The following IGSF21 variants were observed in gnomAD, a reference collection of about 807,000 sequenced individuals.
IGSF21 encodes the protein immunoglobin superfamily member 21, also known as immunoglobulin superfamily member 21.
A neutral mutation model predicts 46.8 loss-of-function variants in IGSF21; 28 were observed. That is an observed-to-expected ratio of 0.60 (90% confidence interval 0.44 to 0.82). The LOEUF is 0.82. Among genes scored for constraint, IGSF21 ranks in the 40% least tolerant of loss-of-function variants. IGSF21 has a pLI of 0.00. For missense variants in IGSF21, 624 were observed against 665.5 expected, an observed-to-expected ratio of 0.94 and a Z score of 0.69; for synonymous variants, 284 against 273.6, an observed-to-expected ratio of 1.04 and a Z score of -0.38.
chr1:18,366,114 G>A (rs1266066373), intron 6 of IGSF21, among the ~76,000 whole-genome samples: 1 of 152,024 alleles, frequency 6.6e-6, no homozygotes, highest in African/African-American at 2.4e-5. Context: ...TTGGGGAAAA[G>A]CAAGGGAGTC....
chr1:18,373,180 G>A (rs549379239), intron 6 of IGSF21, among the ~76,000 whole-genome samples: 74 of 152,298 alleles, frequency 4.9e-4, no homozygotes, highest in African/African-American at 1.7e-3. Flanking sequence ...GAAAACTGAA[G>A]CCCAACAAGT....
intron 1 of IGSF21, among the ~76,000 whole-genome samples, chr1:18,156,528 G>A (rs1005526556): frequency 3.9e-5 from 6 of 152,146 alleles, no homozygotes; most frequent in East Asian, 3.8e-4. Context: ...CACTGTCCCC[G>A]TCCCCAGCCC....
In IGSF21 at chr1:18,153,769, C is replaced by T. The variant is rs115029162; in HGVS notation, c.70+45571C>T. Reference sequence around the variant, plus strand: ...CACGAAGGGACCAGGACTTGAGTTCCGTTGGTCTGAGCCCCAGATGCATGC... The same window carrying T: ...CACGAAGGGACCAGGACTTGAGTTCTGTTGGTCTGAGCCCCAGATGCATGC... On this transcript the variant is annotated intron_variant, in intron 1 of 9. Coordinates refer to ENST00000251296, the MANE Select transcript of IGSF21 (RefSeq NM_032880.5). 5.7e-3 allele frequency among the ~76,000 whole-genome samples: 862 copies of T among 152,160 alleles called. 12 individuals carry two copies. The highest frequency in any genetic ancestry group is 0.02 in the African/African-American group (814 of 41,512).
At chr1:18,355,239 T>C (rs2086003143) in intron 4 of IGSF21, among the ~76,000 whole-genome samples, 1 of 152,200 alleles carries the variant, frequency 6.6e-6, no homozygotes, top group Non-Finnish European at 1.5e-5. Flanking sequence ...GAGATTTATA[T>C]CAGATCAGGT....
intron 3 of IGSF21, among the ~76,000 whole-genome samples, chr1:18,326,356 C>T (rs552425459): frequency 8.1e-4 from 124 of 152,294 alleles, no homozygotes; most frequent in Middle Eastern, 3.4e-3. Context: ...GGGATCTTTC[C>T]AGCAGGAATG....
chr1:18,259,471 G>GA (rs2084920751), intron 2 of IGSF21, among the ~76,000 whole-genome samples: 1 of 152,260 alleles, frequency 6.6e-6, no homozygotes, highest in African/African-American at 2.4e-5. Context: ...GAAGAGGTCT[G>GA]AAAAAGGCCA....
chr1:18,152,207 G>T (rs1392299732), intron 1 of IGSF21, among the ~76,000 whole-genome samples: 1 of 152,210 alleles, frequency 6.6e-6, no homozygotes, highest in Non-Finnish European at 1.5e-5. Context: ...TTCATCCACA[G>T]TGCTCCTGCC....
intron 1 of IGSF21, among the ~76,000 whole-genome samples, chr1:18,159,258 G>T (rs1258475519): frequency 6.6e-6 from 1 of 152,152 alleles, no homozygotes; most frequent in East Asian, 1.9e-4. Context: ...TCCAAGTCAG[G>T]GTGCAGTTTG....
chr1:18,224,655 A>G (rs1024248877), intron 1 of IGSF21, among the ~76,000 whole-genome samples: 1 of 152,130 alleles, frequency 6.6e-6, no homozygotes, highest in African/African-American at 2.4e-5. Context: ...TTTGTTTTTC[A>G]TGCATAAAGG....
At chr1:18,178,796 G>A (rs2086829229) in intron 1 of IGSF21, among the ~76,000 whole-genome samples, 1 of 152,018 alleles carries the variant, frequency 6.6e-6, no homozygotes, top group African/African-American at 2.4e-5. Flanking sequence ...CCAGAGGACG[G>A]GTCTGTGCCT....
intron 2 of IGSF21, among the ~76,000 whole-genome samples, chr1:18,277,659 C>T (rs1378218106): frequency 5.9e-5 from 9 of 152,200 alleles, no homozygotes; most frequent in African/African-American, 2.2e-4. Context: ...GCTTAACAAA[C>T]ATAGCGTCTC....
intron 4 of IGSF21, among the ~76,000 whole-genome samples, chr1:18,338,428 G>A (rs546729586): frequency 2.0e-5 from 3 of 152,080 alleles, no homozygotes; most frequent in Non-Finnish European, 4.4e-5. Context: ...GGACCCTAAG[G>A]GCCACTGCAG....
chr1:18,234,794 C>T (rs1183975781), intron 2 of IGSF21, among the ~76,000 whole-genome samples: 2 of 152,096 alleles, frequency 1.3e-5, no homozygotes, highest in African/African-American at 2.4e-5. Context: ...CAGTTCAAGA[C>T]GAGATTTGGG....
In IGSF21 at chr1:18,314,697, C is replaced by T. The variant is rs561209306; in HGVS notation, c.306-20195C>T. Among the ~76,000 whole-genome samples the T allele has an allele frequency of 5.0e-4, 76 of 152,282 alleles. No homozygotes were observed. The South Asian group carries it at 8.3e-3, about 17-fold the overall frequency. On this transcript the variant is annotated intron_variant, in intron 3 of 9. Coordinates refer to ENST00000251296, the MANE Select transcript of IGSF21 (RefSeq NM_032880.5). ...CAGCCAGGGAGGTCTCGTGCCAAAG[C>T]CTTCGTCTTCATCACTGTGCTACCC... is the stretch of plus-strand genomic sequence containing the variant.
intron 3 of IGSF21, among the ~76,000 whole-genome samples, chr1:18,321,010 G>A (rs1375926762): frequency 6.6e-6 from 1 of 152,240 alleles, no homozygotes; most frequent in Non-Finnish European, 1.5e-5. Context: ...CTGAATTGCA[G>A]TGCTCTGGCA....
chr1:18,296,402 C>G (rs1251023126), intron 3 of IGSF21, among the ~76,000 whole-genome samples: 1 of 151,448 alleles, frequency 6.6e-6, no homozygotes, highest in Non-Finnish European at 1.5e-5. Context: ...GTGGTTCTAG[C>G]TGAGTGTTTT....
chr1:18,209,949 T>C (rs2084372460), intron 1 of IGSF21, among the ~76,000 whole-genome samples: 1 of 152,098 alleles, frequency 6.6e-6, no homozygotes, highest in Admixed American at 6.5e-5. Context: ...AATGATCTTC[T>C]GTTCACCCCA....
At chr1:18,227,331 C>T (rs922186812) in intron 1 of IGSF21, among the ~76,000 whole-genome samples, 19 of 152,034 alleles carry the variant, frequency 1.2e-4, no homozygotes, top group Non-Finnish European at 2.8e-4. Context: ...GCACTTAGAA[C>T]ACCATGTCCC....
intron 1 of IGSF21, among the ~76,000 whole-genome samples, chr1:18,130,432 C>T (rs1015943584): frequency 5.3e-5 from 8 of 152,188 alleles, no homozygotes; most frequent in African/African-American, 1.2e-4. Context: ...CTCTGGGCCT[C>T]GTTTTCCTTA....
Sources: gnomAD v4.1 joint callset for allele counts (sites outside exome capture counted in the v4.1 genomes callset) on GRCh38, gnomAD v4.1.1 for gene constraint, MANE v1.5 for transcripts, NCBI Gene and HGNC (gene_info 2026-07-23, HGNC 2026-07-21) for gene names.